Variants in CDH6 observed in about 807,000 individuals in gnomAD.
CDH6 encodes cadherin-6.
A neutral mutation model predicts 78.0 loss-of-function variants in CDH6; 31 were observed. The observed-to-expected ratio is 0.40, with a 90% CI of 0.30 to 0.54. The LOEUF is 0.54. Among genes scored for constraint, CDH6 ranks in the 20% least tolerant of loss-of-function variants. The probability of loss-of-function intolerance (pLI) is 0.56; values close to 1 mark genes in which losing one functional copy is unlikely to be tolerated. For missense variants in CDH6, 724 were observed against 975.9 expected (o/e 0.74, Z 3.44); for synonymous variants, 376 against 368.8 (o/e 1.02, Z -0.23).
intron 9 of CDH6, among the ~76,000 whole-genome samples, chr5:31,316,752 GT>G (rs1288839706): frequency 3.9e-5 from 6 of 152,076 alleles, no homozygotes; most frequent in African/African-American, 1.4e-4. Context: ...TTACACATTT[GT>G]CCCCACATGA....
At chr5:31,314,131 A>G (rs529510856) in intron 8 of CDH6, among the ~76,000 whole-genome samples, 3 of 152,320 alleles carry the variant, frequency 2.0e-5, no homozygotes, top group Non-Finnish European at 2.9e-5. Context: ...GCTGAAGAAC[A>G]TAAGTGAAAA....
At chr5:31,254,238 C>A (rs543474324) in intron 1 of CDH6, among the ~76,000 whole-genome samples, 13 of 152,090 alleles carry the variant, frequency 8.5e-5, no homozygotes, top group African/African-American at 2.9e-4. Context: ...ATTTTAATGC[C>A]CTAAAGTGCA....
intron 4 of CDH6, among the ~76,000 whole-genome samples, chr5:31,297,801 TG>T (rs760788357): frequency 5.1e-4 from 77 of 152,296 alleles, no homozygotes; most frequent in Middle Eastern, 3.4e-3. Context: ...GTGATTTATT[TG>T]GGTGAATAAA....
chr5:31,300,330 C>G (rs531158271), intron 5 of CDH6, among the ~76,000 whole-genome samples: 1 of 152,110 alleles, frequency 6.6e-6, no homozygotes, highest in African/African-American at 2.4e-5. Flanking sequence ...ACCATGATCT[C>G]CTACGAAAGC....
At position 31,302,954 on chromosome 5, in the gene CDH6, A is replaced by AGAAGGAAG. The variant is rs1329499190; in HGVS notation, c.999+663_999+664insGGAAGGAA. Among the ~76,000 whole-genome samples the AGAAGGAAG allele has an allele frequency of 7.6e-4, 99 of 129,762 alleles. 1 individual carries two copies. The highest frequency in any genetic ancestry group is 2.6e-3 in the African/African-American group (92 of 35,632). 85.1% of individuals were successfully genotyped at this position (129,762 alleles called of 152,430 possible). On this transcript the variant is annotated intron_variant, in intron 6 of 11. Coordinates refer to ENST00000265071, the MANE Select transcript of CDH6 (RefSeq NM_004932.4). The stretch of plus-strand genomic sequence containing the variant: ...AAGAAAGAAAGAAAGAAAGAAAGAA[A>AGAAGGAAG]GAAGGAAAGAAAAGAAAGAAAGAAA...
chr5:31,289,234 T>A (rs1743092201), intron 2 of CDH6, among the ~76,000 whole-genome samples: 1 of 152,200 alleles, frequency 6.6e-6, no homozygotes, highest in Non-Finnish European at 1.5e-5. Context: ...TGATTTTCTG[T>A]GTCTGTGTTA....
rs1020835697 is a variant in CDH6, at chr5:31,318,196, G to A, written c.1882+272G>A. On this transcript the variant is annotated intron_variant, in intron 11 of 11. Coordinates refer to ENST00000265071, the MANE Select transcript of CDH6 (RefSeq NM_004932.4). ...ATCAGACTGGGAATGAATCTCGGGG[G>A]ATTTCAGGGCAACATAAATGTGCCC... 5.1e-6 allele frequency: 3 copies of A among 591,794 alleles called. No homozygotes were observed. The Admixed American group carries it at 8.8e-5, about 17-fold the overall frequency. 36.7% of individuals were successfully genotyped at this position (591,794 alleles called of 1,614,324 possible).
chr5:31,205,842 A>G (rs965860562), intron 1 of CDH6, among the ~76,000 whole-genome samples: 2 of 152,246 alleles, frequency 1.3e-5, no homozygotes, highest in Admixed American at 1.3e-4. Flanking sequence ...ATGAAGTAGA[A>G]TAATAAAACC....
chr5:31,302,607 GGA>G (rs1475439402), intron 6 of CDH6, among the ~76,000 whole-genome samples: 1 of 150,700 alleles, frequency 6.6e-6, no homozygotes, highest in East Asian at 2.0e-4. Context: ...CAGCTACTCT[GGA>G]GACTGAGGCA....
chr5:31,321,224 T>C (rs1339972673), intron 11 of CDH6, among the ~76,000 whole-genome samples: 4 of 137,238 alleles, frequency 2.9e-5, no homozygotes, highest in Non-Finnish European at 6.2e-5. Flanking sequence ...ATAAATATTA[T>C]CAAATGCGTG....
chr5:31,225,829 A>C (rs1432344499), intron 1 of CDH6, among the ~76,000 whole-genome samples: 1 of 152,196 alleles, frequency 6.6e-6, no homozygotes, highest in African/African-American at 2.4e-5. Context: ...ATGGTACTGC[A>C]TGGTGGGTGC....
intron 7 of CDH6, among the ~76,000 whole-genome samples, chr5:31,312,803 C>G (rs1470640995): frequency 6.6e-6 from 1 of 152,132 alleles, no homozygotes; most frequent in African/African-American, 2.4e-5. Flanking sequence ...GACTCTGGCT[C>G]TCTCACCAAT....
rs1322751917 is a variant in CDH6 at position 31,317,711 on chromosome 5, A to C, written c.1669A>C (p.Asn557His). The C allele has an allele frequency of 6.2e-7, 1 of 1,613,884 alleles. No homozygotes were observed. The highest frequency in any genetic ancestry group is 1.3e-5 in the African/African-American group (1 of 75,040). Residue 557 changes from asparagine to histidine, a missense_variant, in exon 11 of 12, where the codon AAT becomes CAT. Physicochemically the swap from Asn to His is moderately conservative, Grantham distance 68. This residue lies in a region of CDH6 where 446 missense variants were observed against 684.5 expected (regional missense o/e 0.65). Transcript: ENST00000265071. Reference sequence around the variant, plus strand: ...AATCTTAACTCGGAAAAATGGCTATAATAGACACGAGATGAGCACCTATCT... The same window carrying C: ...AATCTTAACTCGGAAAAATGGCTATCATAGACACGAGATGAGCACCTATCT... ...AGILTRKNGY[N>H]RHEMSTYLLP...
At chr5:31,306,251 G>A (rs927485809) in intron 7 of CDH6, among the ~76,000 whole-genome samples, 25 of 152,122 alleles carry the variant, frequency 1.6e-4, no homozygotes, top group Admixed American at 7.9e-4. Flanking sequence ...CATGATATAC[G>A]TCTGTGAAAT....
chr5:31,301,200 C>T (rs561699481), intron 5 of CDH6, among the ~76,000 whole-genome samples: 46 of 152,258 alleles, frequency 3.0e-4, no homozygotes, highest in African/African-American at 1.1e-3. Flanking sequence ...TATCATTTTA[C>T]CAAGTATGAA....
At chr5:31,235,352 G>T (rs1053359553) in intron 1 of CDH6, among the ~76,000 whole-genome samples, 1 of 145,960 alleles carries the variant, frequency 6.9e-6, no homozygotes, top group Non-Finnish European at 1.5e-5. Flanking sequence ...GTAATTTTGT[G>T]ATTTGAGTGG....
Position 31,325,167 on chromosome 5 carries a change from T to G in CDH6, c.*1859T>G, listed in dbSNP as rs913537920. 6 of 228,368 alleles carry G rather than the reference T, an allele frequency of 2.6e-5. No homozygotes were observed. Among genetic ancestry groups the G allele is most frequent in the Non-Finnish European group, 5.2e-5 (6 of 115,080 alleles). The allele number at this position is 228,368 out of a possible 1,614,324, so 14.1% of individuals were successfully genotyped here. On this transcript the variant is annotated 3_prime_UTR_variant, in exon 12 of 12. Transcript: ENST00000265071. ...AATGTAGTATTTTGGGTTACCTGATTAGAGTGAAAATTTTTTACAATCATA... is the reference window on the plus strand; with the variant it reads ...AATGTAGTATTTTGGGTTACCTGATGAGAGTGAAAATTTTTTACAATCATA...
chr5:31,270,415 C>T (rs998498779), intron 2 of CDH6, among the ~76,000 whole-genome samples: 3 of 152,206 alleles, frequency 2.0e-5, no homozygotes, highest in African/African-American at 7.2e-5. Flanking sequence ...CTTAACCACA[C>T]TTACAAATGG....
Position 31,326,964 on chromosome 5 carries a change from G to A in CDH6, c.*3656G>A, listed in dbSNP as rs1286459770. The A allele has an allele frequency of 6.0e-6, 1 of 165,948 alleles. No individual in the cohort carries two copies. Among genetic ancestry groups the A allele is most frequent in the East Asian group, 1.2e-4 (1 of 8,114 alleles). 10.3% of individuals were successfully genotyped at this position (165,948 alleles called of 1,614,324 possible). On this transcript the variant is annotated 3_prime_UTR_variant, in exon 12 of 12. Transcript: ENST00000265071. ...CCGCCTCGGCCTCCCAAAGTGCTGG[G>A]ATTACAGGCGTGAGCCACCGCGCCC...
Sources: gnomAD v4.1 joint callset for allele counts (sites outside exome capture counted in the v4.1 genomes callset) on GRCh38, gnomAD v4.1.1 for gene constraint, gnomAD v4.1.1 regional missense constraint, MANE v1.5 for transcripts, NCBI Gene and HGNC (gene_info 2026-07-23, HGNC 2026-07-21) for gene names.